CPNE8: variants seen among roughly 807,000 people sequenced by gnomAD.
CPNE8 encodes the protein copine 8, also known as copine-8.
CPNE8 carries 45 observed loss-of-function variants against 81.5 expected under a neutral mutation model. That is an observed-to-expected ratio of 0.55 (90% CI 0.44 to 0.71). The LOEUF is 0.71. Ranked by LOEUF, CPNE8 falls within the 30% of genes least tolerant of loss-of-function variation. CPNE8 has a pLI of 0.00. For missense variants in CPNE8, 594 were observed against 672.1 expected (o/e 0.88, Z 1.28); for synonymous variants, 252 against 226.3 (o/e 1.11, Z -1.02).
chr12:38,717,009 T>A (rs12229104), intron 13 of CPNE8, among the ~76,000 whole-genome samples: 50,134 of 151,804 alleles, frequency 0.33, 9,915 homozygotes, highest in Non-Finnish European at 0.45. Context: ...AAATAAGATA[T>A]CCAAACAGCC....
chr12:38,888,081 C>G (rs1350741724), intron 1 of CPNE8, among the ~76,000 whole-genome samples: 2 of 152,202 alleles, frequency 1.3e-5, no homozygotes, highest in Admixed American at 6.5e-5. Context: ...TACAGATCTC[C>G]ACTAAGTAGA....
chr12:38,697,687 A>C (rs1318535990), intron 14 of CPNE8, among the ~76,000 whole-genome samples: 1 of 152,058 alleles, frequency 6.6e-6, no homozygotes. Flanking sequence ...GGAGGTGTTT[A>C]GGTCATGGGG....
At chr12:38,665,809 G>T (rs1341931033) in intron 19 of CPNE8, among the ~76,000 whole-genome samples, 1 of 152,138 alleles carries the variant, frequency 6.6e-6, no homozygotes, top group Non-Finnish European at 1.5e-5. Flanking sequence ...AGCTTTATTT[G>T]TGATTAAGTC....
chr12:38,864,830 T>C (rs928605678), intron 3 of CPNE8, among the ~76,000 whole-genome samples: 8 of 152,186 alleles, frequency 5.3e-5, no homozygotes, highest in African/African-American at 1.9e-4. Flanking sequence ...ATAAAGGATA[T>C]GTTATGATTA....
chr12:38,733,508 T>C (rs1272998499), intron 10 of CPNE8, among the ~76,000 whole-genome samples: 2 of 151,898 alleles, frequency 1.3e-5, no homozygotes, highest in African/African-American at 4.8e-5. Flanking sequence ...CAACCAATAA[T>C]TTCCTTGTGA....
intron 8 of CPNE8, 82 bp from the exon 9 acceptor site, chr12:38,762,298 A>T: frequency 4.4e-6 from 3 of 688,654 alleles, no homozygotes; most frequent in Non-Finnish European, 6.9e-6. Flanking sequence ...TCCTCTGCTT[A>T]CTTTTTGTTC....
chr12:38,676,836 C>A (rs1373033083), intron 17 of CPNE8, among the ~76,000 whole-genome samples: 1 of 152,082 alleles, frequency 6.6e-6, no homozygotes, highest in Non-Finnish European at 1.5e-5. Flanking sequence ...ACCTAAATTA[C>A]CAAGTCCATA....
intron 10 of CPNE8, among the ~76,000 whole-genome samples, chr12:38,736,302 G>T (rs1330732492): frequency 6.7e-6 from 1 of 149,374 alleles, no homozygotes; most frequent in Admixed American, 6.7e-5. Context: ...TATGATTATT[G>T]AATATTTTAT....
chr12:38,835,292 C>T (rs931015996), intron 5 of CPNE8, among the ~76,000 whole-genome samples: 2 of 152,070 alleles, frequency 1.3e-5, no homozygotes, highest in African/African-American at 2.4e-5. Context: ...AAATATACAC[C>T]CAAGGTGATA....
intron 19 of CPNE8, among the ~76,000 whole-genome samples, chr12:38,656,537 C>T (rs1318570087): frequency 6.6e-6 from 1 of 152,028 alleles, no homozygotes; most frequent in Admixed American, 6.6e-5. Context: ...TAAGTTTTTA[C>T]CTCCCTATTC....
intron 6 of CPNE8, among the ~76,000 whole-genome samples, chr12:38,779,363 G>A (rs1941998445): frequency 6.6e-6 from 1 of 152,004 alleles, no homozygotes; most frequent in Non-Finnish European, 1.5e-5. Flanking sequence ...CTCACAAGGT[G>A]GGAAATTCAA....
chr12:38,771,232 G>A (rs1421726362), intron 7 of CPNE8, among the ~76,000 whole-genome samples: 5 of 151,964 alleles, frequency 3.3e-5, no homozygotes, highest in Admixed American at 1.3e-4. Context: ...GGCAAGGGGG[G>A]CTTGGATCAC....
chr12:38,906,054 G>T, upstream of CPNE8: 3 of 986,712 alleles, frequency 3.0e-6, no homozygotes, highest in Non-Finnish European at 3.6e-6. Flanking sequence ...AAGTTTCCTC[G>T]CCTGAGTTGA....
intron 10 of CPNE8, among the ~76,000 whole-genome samples, chr12:38,755,193 A>G (rs747836855): frequency 2.0e-5 from 3 of 152,218 alleles, no homozygotes; most frequent in Non-Finnish European, 4.4e-5. Flanking sequence ...ATTTAATTAT[A>G]TAAATATCAT....
intron 1 of CPNE8, among the ~76,000 whole-genome samples, chr12:38,899,525 G>A (rs1944431110): frequency 1.3e-5 from 2 of 152,104 alleles, no homozygotes; most frequent in Admixed American, 6.6e-5. Flanking sequence ...AACTGAACCA[G>A]ACAAACAACA....
At chr12:38,770,668 T>G (rs1258531851) in intron 7 of CPNE8, among the ~76,000 whole-genome samples, 2 of 152,166 alleles carry the variant, frequency 1.3e-5, no homozygotes, top group Non-Finnish European at 2.9e-5. Flanking sequence ...ACTGGCAATG[T>G]TTTAGCTCAA....
intron 13 of CPNE8, among the ~76,000 whole-genome samples, chr12:38,706,380 T>A (rs917001941): frequency 1.3e-5 from 2 of 152,056 alleles, no homozygotes; most frequent in Non-Finnish European, 2.9e-5. Flanking sequence ...ATAAAGGAAG[T>A]TTTGGTTTTG....
chr12:38,670,976 G>T, intron 18 of CPNE8, 174 bp from the exon 19 acceptor site: 1 of 517,004 alleles, frequency 1.9e-6, no homozygotes, highest in Middle Eastern at 5.2e-4. Context: ...GATTAAGTGT[G>T]CATTTTACAG....
intron 14 of CPNE8, among the ~76,000 whole-genome samples, chr12:38,696,244 C>T (rs1222825411): frequency 6.6e-6 from 1 of 152,030 alleles, no homozygotes; most frequent in Non-Finnish European, 1.5e-5. Flanking sequence ...TCTCAAGTTG[C>T]CACCCTGTCC....
Sources: gnomAD v4.1 joint callset for allele counts (sites outside exome capture counted in the v4.1 genomes callset) on GRCh38, gnomAD v4.1.1 for gene constraint, MANE v1.5 for transcripts, NCBI Gene and HGNC (gene_info 2026-07-23, HGNC 2026-07-21) for gene names.